The following CDH13 variants were observed in gnomAD, a reference collection of about 807,000 sequenced individuals.
CDH13 encodes the protein cadherin 13, also known as cadherin-13.
Under a neutral mutation model 63.8 loss-of-function variants are expected in CDH13, and 24 were observed. That is an observed-to-expected ratio of 0.38 (90% CI 0.27 to 0.53). The LOEUF (loss-of-function observed/expected upper bound fraction) is 0.53, where lower values mean the gene tolerates loss of function less well. Ranked by LOEUF, CDH13 falls within the 20% of genes least tolerant of loss-of-function variation. The pLI is 0.85. For missense variants in CDH13, 1,049 were observed against 903.1 expected (o/e 1.16, Z -2.07); for synonymous variants, 503 against 355.3 (o/e 1.42, Z -4.67).
chr16:83,560,485 A>G (rs2075683850), intron 7 of CDH13, among the ~76,000 whole-genome samples: 1 of 152,206 alleles, frequency 6.6e-6, no homozygotes, highest in Non-Finnish European at 1.5e-5. Flanking sequence ...AACTCATGGA[A>G]GCTGCATGGG....
chr16:83,229,504 T>C (rs74396827), intron 5 of CDH13, among the ~76,000 whole-genome samples: 1 of 151,842 alleles, frequency 6.6e-6, no homozygotes, highest in South Asian at 2.1e-4. Context: ...GTTTTTTTTT[T>C]CTTCTACGGG....
intron 10 of CDH13, among the ~76,000 whole-genome samples, chr16:83,728,619 G>A (rs752360410): frequency 2.0e-5 from 3 of 152,118 alleles, no homozygotes; most frequent in Non-Finnish European, 4.4e-5. Context: ...ATAAATAAGC[G>A]TGTCTCTCGG....
chr16:83,253,947 C>G (rs1905900768), intron 5 of CDH13, among the ~76,000 whole-genome samples: 1 of 152,162 alleles, frequency 6.6e-6, no homozygotes, highest in Admixed American at 6.5e-5. Context: ...TTCCCAAACT[C>G]TTGCAGTCAT....
At chr16:82,645,224 C>T (rs1027549086) in intron 1 of CDH13, among the ~76,000 whole-genome samples, 9 of 152,200 alleles carry the variant, frequency 5.9e-5, no homozygotes, top group African/African-American at 2.2e-4. Context: ...ACTGCAAATC[C>T]TGTCCTCTGG....
At chr16:83,411,491 G>A (rs2092125284) in intron 6 of CDH13, among the ~76,000 whole-genome samples, 1 of 152,044 alleles carries the variant, frequency 6.6e-6, no homozygotes, top group African/African-American at 2.4e-5. Context: ...TGCTCAATAT[G>A]GGGGTTAGCA....
chr16:83,570,946 C>CATATATATATAT (rs57586630), intron 7 of CDH13, among the ~76,000 whole-genome samples: 106 of 109,984 alleles, frequency 9.6e-4, no homozygotes, highest in African/African-American at 1.4e-3. Context: ...ATAACTCATC[C>CATATATATATAT]ATATATATAT....
intron 13 of CDH13, among the ~76,000 whole-genome samples, chr16:83,794,727 TGA>T (rs1916492469): frequency 6.6e-6 from 1 of 152,088 alleles, no homozygotes; most frequent in African/African-American, 2.4e-5. Flanking sequence ...AGCTCTGTGC[TGA>T]GAGACAAAGA....
At position 83,146,134 on chromosome 16, in the gene CDH13, C is replaced by G. The variant is rs546036397; in HGVS notation, c.483+20633C>G. ...GCTTGAACCTGGGAGGCAGAAGTTA[C>G]AGTGAGCCAAGATTGTGCCACTGCA... On this transcript the variant is annotated intron_variant, in intron 4 of 13. Transcript: ENST00000567109. 1.1e-4 allele frequency among the ~76,000 whole-genome samples: 16 copies of G among 139,876 alleles called. No homozygotes were observed. The East Asian group carries it at 3.5e-3, about 31-fold the overall frequency. The allele number at this position is 139,876 out of a possible 152,430, so 91.8% of individuals were successfully genotyped here.
chr16:82,858,037 G>C (rs1373026539), intron 1 of CDH13, among the ~76,000 whole-genome samples: 2 of 152,134 alleles, frequency 1.3e-5, no homozygotes, highest in South Asian at 2.1e-4. Flanking sequence ...TTTAGCTTAG[G>C]CATCATGGAA....
intron 6 of CDH13, among the ~76,000 whole-genome samples, chr16:83,369,241 T>C (rs2091317407): frequency 6.6e-6 from 1 of 151,938 alleles, no homozygotes; most frequent in Non-Finnish European, 1.5e-5. Flanking sequence ...GAACACTTTT[T>C]ACACTGTTGG....
intron 1 of CDH13, among the ~76,000 whole-genome samples, chr16:82,652,174 T>C (rs918160200): frequency 6.6e-6 from 1 of 152,212 alleles, no homozygotes; most frequent in African/African-American, 2.4e-5. Context: ...GATTGTAGAG[T>C]TGGATCTCCA....
intron 7 of CDH13, among the ~76,000 whole-genome samples, chr16:83,546,663 G>A (rs1382498743): frequency 2.6e-5 from 4 of 152,214 alleles, no homozygotes; most frequent in Admixed American, 2.0e-4. Flanking sequence ...AGCGAAGTTT[G>A]GGGAGACCCA....
intron 1 of CDH13, among the ~76,000 whole-genome samples, chr16:82,838,132 C>A (rs1012147549): frequency 6.6e-6 from 1 of 152,190 alleles, no homozygotes; most frequent in African/African-American, 2.4e-5. Context: ...GAAAGCTCTT[C>A]CCCTGAGTTC....
intron 7 of CDH13, among the ~76,000 whole-genome samples, chr16:83,584,025 CAG>C (rs1233912858): frequency 2.6e-5 from 4 of 151,932 alleles, no homozygotes; most frequent in Non-Finnish European, 4.4e-5. Context: ...TGAGCAAAAG[CAG>C]AGAGTTAAAG....
At chr16:83,400,707 G>C (rs914536775) in intron 6 of CDH13, among the ~76,000 whole-genome samples, 1 of 152,156 alleles carries the variant, frequency 6.6e-6, no homozygotes, top group Non-Finnish European at 1.5e-5. Flanking sequence ...ATCAAGTATA[G>C]GTAAATGCAA....
intron 11 of CDH13, among the ~76,000 whole-genome samples, chr16:83,775,753 G>A (rs1915066896): frequency 6.6e-6 from 1 of 151,958 alleles, no homozygotes; most frequent in African/African-American, 2.4e-5. Context: ...AGAAGTAAAA[G>A]AAAAGAAAGA....
chr16:83,020,555 C>G (rs1043190778), intron 2 of CDH13, among the ~76,000 whole-genome samples: 1 of 152,206 alleles, frequency 6.6e-6, no homozygotes, highest in Non-Finnish European at 1.5e-5. Flanking sequence ...TAACAGTTTG[C>G]TATTAGGAAA....
At chr16:83,603,387 C>G (rs1228220406) in intron 8 of CDH13, among the ~76,000 whole-genome samples, 2 of 152,186 alleles carry the variant, frequency 1.3e-5, no homozygotes, top group Non-Finnish European at 2.9e-5. Context: ...GGTGTCTCCC[C>G]CTGAGATCTG....
At chr16:83,729,130 G>T (rs2150949034) in intron 10 of CDH13, 1 of 152,260 alleles carries the variant, frequency 6.6e-6, no homozygotes, top group South Asian at 2.1e-4. Context: ...TCCAAGTACT[G>T]CCACAATGGG....
Sources: gnomAD v4.1 joint callset for allele counts (sites outside exome capture counted in the v4.1 genomes callset) on GRCh38, gnomAD v4.1.1 for gene constraint, MANE v1.5 for transcripts, NCBI Gene and HGNC (gene_info 2026-07-23, HGNC 2026-07-21) for gene names.